The following LRFN5 variants were observed in gnomAD, a reference collection of about 807,000 sequenced individuals.
LRFN5 encodes leucine-rich repeat and fibronectin type-III domain-containing protein 5.
Under a neutral mutation model 45.6 loss-of-function variants are expected in LRFN5, and 24 were observed. The observed-to-expected ratio is 0.53, with a 90% CI of 0.38 to 0.74. The LOEUF (loss-of-function observed/expected upper bound fraction) is 0.74, where lower values mean the gene tolerates loss of function less well. Ranked by LOEUF, LRFN5 falls within the 30% of genes least tolerant of loss-of-function variation. LRFN5 has a pLI of 0.00. For missense variants in LRFN5, 776 were observed against 861.5 expected, an observed-to-expected ratio of 0.90 and a Z score of 1.24; for synonymous variants, 340 against 313.8, an observed-to-expected ratio of 1.08 and a Z score of -0.88.
intron 1 of LRFN5, among the ~76,000 whole-genome samples, chr14:41,629,525 T>A (rs1365631394): frequency 1.3e-5 from 2 of 152,246 alleles, no homozygotes; most frequent in Non-Finnish European, 2.9e-5. Flanking sequence ...ATTTCCTAAT[T>A]GTATAGTCAG....
At chr14:41,716,019 A>G (rs1401614735) in intron 1 of LRFN5, among the ~76,000 whole-genome samples, 3 of 152,148 alleles carry the variant, frequency 2.0e-5, no homozygotes, top group Non-Finnish European at 4.4e-5. Context: ...GGCAGGCTCA[A>G]CACCACGTGG....
At chr14:41,762,396 C>T (rs1885710058) in intron 1 of LRFN5, among the ~76,000 whole-genome samples, 2 of 152,170 alleles carry the variant, frequency 1.3e-5, no homozygotes, top group South Asian at 4.1e-4. Context: ...GTCATATGAT[C>T]TTGGATGTGT....
chr14:41,757,929 G>T (rs1042539267), intron 1 of LRFN5, among the ~76,000 whole-genome samples: 1 of 152,106 alleles, frequency 6.6e-6, no homozygotes, highest in Non-Finnish European at 1.5e-5. Flanking sequence ...TACCCATATA[G>T]AGTGAGCTAT....
chr14:41,704,410 C>T (rs904203908), intron 1 of LRFN5, among the ~76,000 whole-genome samples: 31 of 93,158 alleles, frequency 3.3e-4, no homozygotes, highest in Admixed American at 2.7e-3. Flanking sequence ...TTATACTTTT[C>T]TCTCTCTCTC....
At chr14:41,630,475 A>G (rs964373322) in intron 1 of LRFN5, among the ~76,000 whole-genome samples, 2 of 152,162 alleles carry the variant, frequency 1.3e-5, no homozygotes, top group African/African-American at 4.8e-5. Flanking sequence ...CTTGGATTAC[A>G]TTCTTCTCAT....
chr14:41,801,217 C>A (rs1053632777), intron 2 of LRFN5, among the ~76,000 whole-genome samples: 1 of 152,066 alleles, frequency 6.6e-6, no homozygotes. Context: ...TCAACCACTC[C>A]ATATCTGCAT....
chr14:41,758,742 T>C (rs1885522775), intron 1 of LRFN5, among the ~76,000 whole-genome samples: 1 of 152,348 alleles, frequency 6.6e-6, no homozygotes, highest in African/African-American at 2.4e-5. Flanking sequence ...GTTTATAATC[T>C]GACCTTATGG....
intron 1 of LRFN5, among the ~76,000 whole-genome samples, chr14:41,701,973 T>G (rs576076922): frequency 2.6e-5 from 4 of 152,190 alleles, no homozygotes; most frequent in African/African-American, 9.6e-5. Flanking sequence ...CACTGGTAGG[T>G]AGTGCTTTGG....
At chr14:41,787,110 C>T (rs146996086) in intron 2 of LRFN5, among the ~76,000 whole-genome samples, 144 of 150,796 alleles carry the variant, frequency 9.5e-4, no homozygotes, top group African/African-American at 3.3e-3. Context: ...CTCTTTTCTG[C>T]ATTTTCTTCT....
chr14:41,828,794 T>C (rs1340386313), intron 2 of LRFN5, among the ~76,000 whole-genome samples: 1 of 151,920 alleles, frequency 6.6e-6, no homozygotes, highest in Non-Finnish European at 1.5e-5. Flanking sequence ...AATCTCAAAT[T>C]AACTACTAGA....
rs116206718 is a variant in LRFN5 at position 41,870,192 on chromosome 14, T to G, written c.-20-16414T>G. Among the ~76,000 whole-genome samples, 260 of 152,232 alleles carry G rather than the reference T, an allele frequency of 1.7e-3. 1 individual carries two copies. Among genetic ancestry groups the G allele is most frequent in the African/African-American group, 6.0e-3 (248 of 41,552 alleles). ...AGCTCCTTCAGGTTGTTGGTAAAAT[T>G]CATTTTCTCACTGCTGTAGAATTAT... On this transcript the variant is annotated intron_variant, in intron 2 of 5. Coordinates refer to ENST00000298119, the MANE Select transcript of LRFN5 (RefSeq NM_152447.5).
At chr14:41,888,883 C>T (rs1447108145) in intron 3 of LRFN5, among the ~76,000 whole-genome samples, 5 of 151,726 alleles carry the variant, frequency 3.3e-5, no homozygotes. Flanking sequence ...TTTACCCTTT[C>T]ATATAATTTC....
chr14:41,659,346 C>T (rs1274388098), intron 1 of LRFN5, among the ~76,000 whole-genome samples: 1 of 152,054 alleles, frequency 6.6e-6, no homozygotes, highest in Non-Finnish European at 1.5e-5. Context: ...GTGATGGTTT[C>T]CAGCTTCATC....
chr14:41,699,967 T>G (rs556668900), intron 1 of LRFN5: 1 of 152,182 alleles, frequency 6.6e-6, no homozygotes, highest in East Asian at 1.9e-4. Context: ...AGGGGATATC[T>G]GCCAAGAATG....
chr14:41,671,257 A>G (rs1185398876), intron 1 of LRFN5, among the ~76,000 whole-genome samples: 1 of 152,148 alleles, frequency 6.6e-6, no homozygotes, highest in East Asian at 1.9e-4. Context: ...GAGAATATGG[A>G]CTTATCTTCC....
chr14:41,820,152 G>A (rs529708100), intron 2 of LRFN5, among the ~76,000 whole-genome samples: 1 of 151,714 alleles, frequency 6.6e-6, no homozygotes, highest in African/African-American at 2.4e-5. Flanking sequence ...TGTTTTTGTT[G>A]CATTTGCTTT....
intron 1 of LRFN5, chr14:41,700,730 A>C (rs1882809328): frequency 6.6e-6 from 1 of 152,078 alleles, no homozygotes; most frequent in Non-Finnish European, 1.5e-5. Flanking sequence ...TTTGGGAAGA[A>C]ACTTAGAACT....
At position 41,836,531 on chromosome 14, in the gene LRFN5, C is replaced by T. The variant is rs145709565; in HGVS notation, c.-20-50075C>T. Among the ~76,000 whole-genome samples the T allele has an allele frequency of 5.6e-4, 85 of 152,130 alleles. No homozygotes were observed. In the East Asian group the frequency reaches 0.011, roughly 19 times the overall value. On this transcript the variant is annotated intron_variant, in intron 2 of 5. Coordinates refer to ENST00000298119, the MANE Select transcript of LRFN5 (RefSeq NM_152447.5). ...ATGCATGTTTGTATTTGTTATAGGA[C>T]GCTATAAGTAACTTTTTGTTGCTTT... is the stretch of plus-strand genomic sequence containing the variant.
intron 1 of LRFN5, among the ~76,000 whole-genome samples, chr14:41,681,284 G>T (rs1283260274): frequency 6.6e-6 from 1 of 152,090 alleles, no homozygotes; most frequent in African/African-American, 2.4e-5. Context: ...ACACCAAGTA[G>T]ATTTAATTCA....
Sources: allele counts gnomAD v4.1 joint callset (sites outside exome capture counted in the v4.1 genomes callset), GRCh38; gene constraint gnomAD v4.1.1; transcripts MANE v1.5; gene names NCBI Gene and HGNC (gene_info 2026-07-23, HGNC 2026-07-21).